The following COL4A2 variants were observed in gnomAD, a reference collection of about 807,000 sequenced individuals.
COL4A2 encodes collagen type IV alpha 2 chain.
Under a neutral mutation model 200.2 loss-of-function variants are expected in COL4A2, and 99 were observed. The ratio of observed to expected loss-of-function variants is 0.49; its 90% CI spans 0.42 to 0.58. The LOEUF is 0.58. Ranked by LOEUF, COL4A2 falls within the 20% of genes least tolerant of loss-of-function variation. COL4A2 has a pLI of 0.00. For synonymous variants in COL4A2, 897 were observed against 900.6 expected (o/e 1.00, Z 0.07); for missense variants, 1,950 against 2,314.1 (o/e 0.84, Z 3.23).
chr13:110,456,603 T>C, intron 20 of COL4A2: 4 of 371,722 alleles, frequency 1.1e-5, no homozygotes, highest in South Asian at 8.2e-5. Flanking sequence ...CGCCACAAAA[T>C]AGTCTAAGTT....
chr13:110,371,040 C>T (rs1432819127), intron 4 of COL4A2, among the ~76,000 whole-genome samples: 1 of 152,064 alleles, frequency 6.6e-6, no homozygotes, highest in Non-Finnish European at 1.5e-5. Context: ...TAAAGTTTAA[C>T]AAAAAGGGTG....
intron 4 of COL4A2, among the ~76,000 whole-genome samples, chr13:110,387,447 C>G (rs1363396184): frequency 6.6e-6 from 1 of 152,178 alleles, no homozygotes; most frequent in Non-Finnish European, 1.5e-5. Flanking sequence ...GTGGGTGTTT[C>G]CGTGGCCAGA....
chr13:110,427,114 A>T (rs1880497100), intron 6 of COL4A2, among the ~76,000 whole-genome samples: 1 of 152,140 alleles, frequency 6.6e-6, no homozygotes, highest in African/African-American at 2.4e-5. Context: ...GGAGAACTAT[A>T]TGTAGGATTT....
At chr13:110,502,961 C>G in intron 41 of COL4A2, 160 bp from the exon 42 acceptor site, 1 of 685,430 alleles carries the variant, frequency 1.5e-6, no homozygotes, top group South Asian at 1.9e-5. Flanking sequence ...CTTTTATGTT[C>G]TACGTATTTT....
Position 110,466,029 on chromosome 13 carries a change from G to A in COL4A2, c.2005G>A (p.Val669Ile), listed in dbSNP as rs201356199. The change falls in exon 26 of 48, where the codon GTT becomes ATT. Residue 669 changes from valine (V) to isoleucine (I), a missense_variant. By Grantham distance (29) the Val-to-Ile change is conservative. Around this residue, in one of 2 missense-constraint regions of COL4A2, gnomAD observed 1,385 missense variants for 1,720.5 expected, o/e 0.80. Transcript: ENST00000360467. Reference protein sequence around the residue: ...IDCDTDVKRAVGGDRQEAIQP... With the variant: ...IDCDTDVKRAIGGDRQEAIQP... ...TTGTGACACAGATGTGAAAAGGGCC[G>A]TTGGAGGTGACAGACAGGAGGCCAT... 13 of 1,613,758 alleles carry A rather than the reference G, an allele frequency of 8.1e-6. 1 individual carries two copies. Among genetic ancestry groups the A allele is most frequent in the African/African-American group, 5.3e-5 (4 of 74,946 alleles).
chr13:110,458,821 C>T lies in COL4A2; in HGVS notation c.1483C>T (p.Leu495Phe). 1 of 1,613,978 alleles carries T rather than the reference C, an allele frequency of 6.2e-7. No individual in the cohort carries two copies. Among genetic ancestry groups the T allele is most frequent in the Non-Finnish European group, 8.5e-7 (1 of 1,179,964 alleles). ...AGAAGGCGACGAAGCTATCAAAGGT[C>T]TTCCGGGACTGCCAGGACCCAAGGG... is the stretch of plus-strand genomic sequence containing the variant. ...CTEGDEAIKG[L>F]PGLPGPKGFA... Residue 495 changes from leucine to phenylalanine, a missense_variant, in exon 22 of 48, where the codon CTT becomes TTT. By Grantham distance (22) the Leu-to-Phe change is conservative (BLOSUM62 0). Transcript: ENST00000360467.
At chr13:110,394,020 C>A (rs981890567) in intron 4 of COL4A2, among the ~76,000 whole-genome samples, 1 of 152,190 alleles carries the variant, frequency 6.6e-6, no homozygotes, top group African/African-American at 2.4e-5. Flanking sequence ...TGATGACTTT[C>A]TCCACCATAT....
chr13:110,505,166 C>CGTG (rs1883809140), intron 45 of COL4A2, among the ~76,000 whole-genome samples: 1 of 151,028 alleles, frequency 6.6e-6, no homozygotes, highest in African/African-American at 2.4e-5. Context: ...CTGGCTAACA[C>CGTG]GGTGAAACCC....
rs1880961913 is a variant in COL4A2, at chr13:110,438,025, A to C, written c.849A>C (p.Glu283Asp). 1 of 1,613,314 alleles carries C rather than the reference A, an allele frequency of 6.2e-7. No homozygotes were observed. The highest frequency in any genetic ancestry group is 1.7e-5 in the Admixed American group (1 of 59,930). Residue 283 changes from glutamate to aspartate, a missense_variant, in exon 14 of 48, where the codon GAA (glutamate) becomes GAC (aspartate). Coordinates refer to ENST00000360467, the MANE Select transcript of COL4A2 (RefSeq NM_001846.4). The stretch of plus-strand genomic sequence containing the variant: ...AGGGTGAAAAAGGCAGTGAGGGGGA[A>C]CCAGGAATAAGAGTAAGTCGAGTAA... ...QYKGEKGSEG[E>D]PGIRGISLKG...
At chr13:110,447,346 G>A (rs1881367844) in intron 18 of COL4A2, among the ~76,000 whole-genome samples, 1 of 152,120 alleles carries the variant, frequency 6.6e-6, no homozygotes, top group Non-Finnish European at 1.5e-5. Flanking sequence ...AGGCTTCAAG[G>A]CAACTAAATT....
Position 110,307,827 on chromosome 13 carries a change from C to T in COL4A2, c.-44-33C>T. ...GTGAGGATGGGCTGCCTCCCTCATC[C>T]TGCGCTAAACTCGCTTTGTCTGTCG... On this transcript the variant is annotated intron_variant, in intron 1 of 47. Coordinates refer to ENST00000360467, the MANE Select transcript of COL4A2 (RefSeq NM_001846.4). This position sits in a 1 kb window ranked among gnomAD's most constrained non-coding sequence, Gnocchi z 5.0. 6.6e-7 allele frequency: 1 copy of T among 1,524,314 alleles called. No individual in the cohort carries two copies. Among genetic ancestry groups the T allele is most frequent in the Non-Finnish European group, 8.9e-7 (1 of 1,128,162 alleles). 94.4% of individuals were successfully genotyped at this position (1,524,314 alleles called of 1,614,324 possible).
At chr13:110,375,214 C>T (rs921361053) in intron 4 of COL4A2, among the ~76,000 whole-genome samples, 2 of 152,154 alleles carry the variant, frequency 1.3e-5, no homozygotes, top group South Asian at 4.1e-4. Flanking sequence ...CTGTCCCAGC[C>T]CCTGGGTGAG....
chr13:110,430,115 G>T, intron 8 of COL4A2, 159 bp downstream of exon 8: 1 of 785,030 alleles, frequency 1.3e-6, no homozygotes, highest in Non-Finnish European at 1.9e-6. Flanking sequence ...TTCCGATCAG[G>T]ATGTTTTCAA....
At chr13:110,398,009 C>T (rs750840695) in intron 4 of COL4A2, among the ~76,000 whole-genome samples, 1 of 151,848 alleles carries the variant, frequency 6.6e-6, no homozygotes, top group East Asian at 1.9e-4. Flanking sequence ...CAGGCTAAAG[C>T]GAAAGATCAA....
In COL4A2 at chr13:110,512,545, G is replaced by T; in HGVS notation, c.*354G>T. On this transcript the variant is annotated 3_prime_UTR_variant, in exon 48 of 48. Coordinates refer to ENST00000360467, the MANE Select transcript of COL4A2 (RefSeq NM_001846.4). The stretch of plus-strand genomic sequence containing the variant: ...CATTGTTCAACTCCCTTCTCGGGGT[G>T]GGACAGACGAGACAACAGCACACAG... 3.9e-6 allele frequency: 1 copy of T among 258,868 alleles called. No individual in the cohort carries two copies. The allele number at this position is 258,868 out of a possible 1,614,324, so 16.0% of individuals were successfully genotyped here.
chr13:110,473,230 G>A (rs1036965259), intron 29 of COL4A2, 80 bp downstream of exon 29: 20 of 1,350,074 alleles, frequency 1.5e-5, no homozygotes, highest in Non-Finnish European at 2.0e-5. Flanking sequence ...CCCTTCCGGG[G>A]GATTTGGTAG....
chr13:110,390,829 T>A (rs2139421896), intron 4 of COL4A2, among the ~76,000 whole-genome samples: 1 of 152,158 alleles, frequency 6.6e-6, no homozygotes, highest in East Asian at 1.9e-4. Flanking sequence ...GGCCGATGAG[T>A]CCCTGTTCCC....
At position 110,508,488 on chromosome 13, in the gene COL4A2, C is replaced by G. The variant is rs183845685; in HGVS notation, c.4881+267C>G. On this transcript the variant is annotated intron_variant, in intron 47 of 47. Transcript: ENST00000360467. The surrounding 1 kb of genome is among the most constrained non-coding windows in gnomAD (Gnocchi z 6.1). ...AAGGAGTGTAACCAGGACGAACTTG[C>G]CTGTTATCCGTCTTACTAGGTACAA... Among the ~76,000 whole-genome samples the G allele has an allele frequency of 1.1e-4, 17 of 152,308 alleles. No homozygotes were observed. The East Asian group carries it at 2.9e-3, about 26-fold the overall frequency.
In COL4A2 at chr13:110,439,783, T is replaced by A. The variant is rs1267034220; in HGVS notation, c.913-6T>A. 7 of 1,613,992 alleles carry A rather than the reference T, an allele frequency of 4.3e-6. No homozygotes were observed. Among genetic ancestry groups the A allele is most frequent in the Non-Finnish European group, 5.1e-6 (6 of 1,179,940 alleles). ...GCTGTTTGCTTCTGTTTTTTGTTCATTCCAGGGTTACCCTGGCTTGAGTGG... is the reference window on the plus strand; with the variant it reads ...GCTGTTTGCTTCTGTTTTTTGTTCAATCCAGGGTTACCCTGGCTTGAGTGG... On this transcript the variant is annotated splice_region_variant and splice_polypyrimidine_tract_variant and intron_variant, in intron 15 of 47. Coordinates refer to ENST00000360467, the MANE Select transcript of COL4A2 (RefSeq NM_001846.4).
Sources: allele counts gnomAD v4.1 joint callset (sites outside exome capture counted in the v4.1 genomes callset), GRCh38; gene constraint gnomAD v4.1.1; regional missense constraint gnomAD v4.1.1; non-coding constraint Gnocchi (gnomAD v3.1); transcripts MANE v1.5; gene names NCBI Gene and HGNC (gene_info 2026-07-23, HGNC 2026-07-21).